The following SYNPR variants were observed in gnomAD, a reference collection of about 807,000 sequenced individuals.
The protein encoded by SYNPR is synaptoporin.
Under a neutral mutation model 32.9 loss-of-function variants are expected in SYNPR, and 23 were observed. The observed-to-expected ratio is 0.70, with a 90% confidence interval of 0.50 to 0.99. The LOEUF is 0.99. Among genes scored for constraint, SYNPR ranks in the 50% least tolerant of loss-of-function variants. The probability of loss-of-function intolerance (pLI) is 0.00; values close to 1 mark genes in which losing one functional copy is unlikely to be tolerated. For synonymous variants in SYNPR, 146 were observed against 135.9 expected (o/e 1.07, Z -0.52); for missense variants, 318 against 349.3 (o/e 0.91, Z 0.71).
At chr3:63,460,147 G>A (rs954689254) in intron 2 of SYNPR, among the ~76,000 whole-genome samples, 1 of 152,034 alleles carries the variant, frequency 6.6e-6, no homozygotes, top group Non-Finnish European at 1.5e-5. Context: ...ACACATTTGA[G>A]TAAATTTGCA....
At chr3:63,371,219 G>C (rs765922015) in intron 2 of SYNPR, among the ~76,000 whole-genome samples, 1 of 151,942 alleles carries the variant, frequency 6.6e-6, no homozygotes, top group Non-Finnish European at 1.5e-5. Flanking sequence ...GGGCTCAGGA[G>C]ATCCCCCTGT....
rs1217634745 is a variant in SYNPR, at chr3:63,425,218, GA to G, written c.85-55611del. Among the ~76,000 whole-genome samples the G allele has an allele frequency of 2.6e-5, 4 of 152,292 alleles. No individual in the cohort carries two copies. The South Asian group carries it at 8.3e-4, about 32-fold the overall frequency. ...TATAGAGTAATTCACATTTTGGGGG[GA>G]AATGAGCAAATATTCATGTGCAAAG... On this transcript the variant is annotated intron_variant, in intron 2 of 5. Coordinates refer to ENST00000478300, the MANE Select transcript of SYNPR (RefSeq NM_001130003.2).
chr3:63,499,671 G>A (rs1281481819), intron 3 of SYNPR, among the ~76,000 whole-genome samples: 1 of 152,102 alleles, frequency 6.6e-6, no homozygotes, highest in Non-Finnish European at 1.5e-5. Flanking sequence ...TGACAGAGAC[G>A]GGAGGTGAGT....
intron 4 of SYNPR, among the ~76,000 whole-genome samples, chr3:63,601,519 C>A (rs936144699): frequency 1.3e-5 from 2 of 151,998 alleles, no homozygotes; most frequent in African/African-American, 4.8e-5. Context: ...TCAAGTAGAC[C>A]CTGGTTTCTG....
intron 2 of SYNPR, among the ~76,000 whole-genome samples, chr3:63,474,135 C>A (rs1032825859): frequency 6.6e-6 from 1 of 152,110 alleles, no homozygotes; most frequent in Non-Finnish European, 1.5e-5. Flanking sequence ...TCAATGAGCA[C>A]CCTCTGAACA....
chr3:63,397,001 G>A (rs1321834756), intron 2 of SYNPR, among the ~76,000 whole-genome samples: 1 of 151,858 alleles, frequency 6.6e-6, no homozygotes, highest in East Asian at 1.9e-4. Context: ...CCACTCAGGA[G>A]GCTGAGGTAG....
At chr3:63,487,577 C>T (rs1324218289) in intron 3 of SYNPR, among the ~76,000 whole-genome samples, 2 of 152,118 alleles carry the variant, frequency 1.3e-5, no homozygotes, top group Non-Finnish European at 1.5e-5. Flanking sequence ...TTATATTTTA[C>T]CCAGAATGGG....
chr3:63,545,480 A>C (rs1487134830), intron 3 of SYNPR: 1 of 152,140 alleles, frequency 6.6e-6, no homozygotes, highest in Non-Finnish European at 1.5e-5. Flanking sequence ...TGATCTCAGA[A>C]GCTAAACAGG....
intron 2 of SYNPR, among the ~76,000 whole-genome samples, chr3:63,338,800 C>T (rs1236896928): frequency 6.6e-6 from 1 of 152,208 alleles, no homozygotes; most frequent in Non-Finnish European, 1.5e-5. Flanking sequence ...ACAGGTTTCT[C>T]CGAAGCAGGG....
intron 2 of SYNPR, among the ~76,000 whole-genome samples, chr3:63,431,835 CT>C (rs11331181): frequency 0.22 from 32,213 of 144,496 alleles, 3,956 homozygotes; most frequent in African/African-American, 0.35. Context: ...TTTCCCTTTT[CT>C]TTTTTTTTTT....
chr3:63,389,744 T>TA (rs2088107329), intron 2 of SYNPR, among the ~76,000 whole-genome samples: 1 of 152,256 alleles, frequency 6.6e-6, no homozygotes, highest in Non-Finnish European at 1.5e-5. Flanking sequence ...TGGCATGTAC[T>TA]ATCTTTTCAG....
At chr3:63,514,073 G>A (rs193212002) in intron 3 of SYNPR, among the ~76,000 whole-genome samples, 180 of 152,264 alleles carry the variant, frequency 1.2e-3, no homozygotes, top group African/African-American at 4.1e-3. Context: ...AAAGTAGAGA[G>A]CTAGGAGTCT....
intron 3 of SYNPR, among the ~76,000 whole-genome samples, chr3:63,491,941 G>T (rs541380001): frequency 6.6e-6 from 1 of 152,110 alleles, no homozygotes; most frequent in South Asian, 2.1e-4. Flanking sequence ...TTTCAAAAAT[G>T]TATTGACTCC....
intron 2 of SYNPR, among the ~76,000 whole-genome samples, chr3:63,379,519 C>T (rs1183508237): frequency 6.6e-6 from 1 of 152,084 alleles, no homozygotes; most frequent in African/African-American, 2.4e-5. Flanking sequence ...GGTATGTACA[C>T]ATTTAGAACT....
intron 3 of SYNPR, among the ~76,000 whole-genome samples, chr3:63,503,901 T>C (rs1354571943): frequency 1.3e-5 from 2 of 152,072 alleles, no homozygotes; most frequent in East Asian, 3.9e-4. Context: ...AATTAATTTA[T>C]ATGAATAGGA....
intron 2 of SYNPR, among the ~76,000 whole-genome samples, chr3:63,259,505 CT>C (rs1363456939): frequency 6.6e-6 from 1 of 152,110 alleles, no homozygotes; most frequent in South Asian, 2.1e-4. Flanking sequence ...CAGAAAAGGC[CT>C]TTGACAAAAT....
chr3:63,377,091 A>G (rs2087905073), intron 2 of SYNPR, among the ~76,000 whole-genome samples: 1 of 152,146 alleles, frequency 6.6e-6, no homozygotes, highest in African/African-American at 2.4e-5. Context: ...AAATGATTTC[A>G]TTTTTAAGTT....
intron 2 of SYNPR, among the ~76,000 whole-genome samples, chr3:63,357,734 T>G (rs941665467): frequency 2.0e-4 from 31 of 152,314 alleles, no homozygotes; most frequent in African/African-American, 7.2e-4. Flanking sequence ...TCTTGGGCCT[T>G]ACTCCTAAAA....
intron 3 of SYNPR, among the ~76,000 whole-genome samples, chr3:63,515,209 C>A (rs534168705): frequency 2.0e-5 from 3 of 152,004 alleles, no homozygotes; most frequent in African/African-American, 7.2e-5. Context: ...AAAACATCTG[C>A]GAGCTTATGA....
Sources: allele counts gnomAD v4.1 joint callset (sites outside exome capture counted in the v4.1 genomes callset), GRCh38; gene constraint gnomAD v4.1.1; transcripts MANE v1.5; gene names NCBI Gene and HGNC (gene_info 2026-07-23, HGNC 2026-07-21).